AHNAK2: variants seen among roughly 807,000 people sequenced by gnomAD.
The protein encoded by AHNAK2 is AHNAK nucleoprotein 2.
A neutral mutation model predicts 30.7 loss-of-function variants in AHNAK2; 18 were observed. That is an observed-to-expected ratio of 0.59 (90% CI 0.41 to 0.87). The LOEUF (loss-of-function observed/expected upper bound fraction) is 0.87. Ranked by LOEUF, AHNAK2 falls within the 40% of genes least tolerant of loss-of-function variation. The pLI is 0.00. For synonymous variants in AHNAK2, 3,590 were observed against 3,073.8 expected, an observed-to-expected ratio of 1.17 and a Z score of -5.56; for missense variants, 8,604 against 7,373.0, an observed-to-expected ratio of 1.17 and a Z score of -6.11.
Position 104,940,950 on chromosome 14 carries a change from G to A in AHNAK2, c.14501C>T (p.Pro4834Leu), listed in dbSNP as rs376975099. ...KTECSTDLQP[P>L]EGVPTSQAES... ...AGCTTGAGATGTTGGAACTCCCTCT[G>A]GAGGCTGCAGGTCAGTGGAGCACTC... Residue 4834 changes from proline to leucine, a missense_variant, in exon 7 of 7, where the codon CCA (proline) becomes CTA (leucine). Coordinates refer to ENST00000333244, the MANE Select transcript of AHNAK2 (RefSeq NM_138420.4). This position sits in a 1 kb window ranked among gnomAD's most constrained non-coding sequence, Gnocchi z 4.4. 45 of 1,612,788 alleles carry A rather than the reference G, an allele frequency of 2.8e-5. No homozygotes were observed. The highest frequency in any genetic ancestry group is 3.7e-5 in the Non-Finnish European group (44 of 1,179,756).
chr14:104,947,522 G>T lies in AHNAK2; in HGVS notation c.7929C>A (p.Ala2643=). 1.2e-6 allele frequency: 2 copies of T among 1,612,272 alleles called. No homozygotes were observed. The highest frequency in any genetic ancestry group is 1.7e-6 in the Non-Finnish European group (2 of 1,179,526). ...TGGGCATTTTGAACTTGCTATCTTTGGCTGTCACACCCTTGTCGGCCAGGG... is the reference window on the plus strand; with the variant it reads ...TGGGCATTTTGAACTTGCTATCTTTTGCTGTCACACCCTTGTCGGCCAGGG... ...DLSLADKGVT[A]KDSKFKMPKF... The change falls in exon 7 of 7, where the codon GCC becomes GCA. Residue 2643 remains alanine (A), a synonymous_variant. Transcript: ENST00000333244.
Position 104,945,534 on chromosome 14 carries a change from C to T in AHNAK2, c.9917G>A (p.Ser3306Asn), listed in dbSNP as rs778516842. Reference protein sequence around the residue: ...LADKDVTAKDSKFKMPKFKMP... With the variant: ...LADKDVTAKDNKFKMPKFKMP... ...CTTGAATTTGGGCATTTTGAACTTGCTGTCTTTGGCAGTCACATCCTTGTC... is the reference window on the plus strand; with the variant it reads ...CTTGAATTTGGGCATTTTGAACTTGTTGTCTTTGGCAGTCACATCCTTGTC... The change falls in exon 7 of 7, where the codon AGC becomes AAC. Residue 3306 changes from serine to asparagine, a missense_variant. Ser to Asn is a conservative substitution (Grantham distance 46, BLOSUM62 1). Transcript: ENST00000333244. 6.2e-7 allele frequency: 1 copy of T among 1,612,628 alleles called. No individual in the cohort carries two copies. Among genetic ancestry groups the T allele is most frequent in the South Asian group, 1.1e-5 (1 of 90,994 alleles).
intron 1 of AHNAK2, chr14:104,970,632 T>C: frequency 1.6e-6 from 1 of 631,012 alleles, no homozygotes; most frequent in Non-Finnish European, 2.0e-6. Flanking sequence ...CCAGAGGGAG[T>C]GGGCGGGTCC....
In AHNAK2 at chr14:104,939,866, G is replaced by A. The variant is rs1447716730; in HGVS notation, c.15585C>T (p.Phe5195=). The change falls in exon 7 of 7, where the codon TTC becomes TTT. Residue 5195 remains phenylalanine (F), a synonymous_variant. Coordinates refer to ENST00000333244, the MANE Select transcript of AHNAK2 (RefSeq NM_138420.4). ...AAGAGCGCCTAAGGCTGGGCATGCG[G>A]AACTTGGGCATTTTAAACCAGCTTT... ...SQESWFKMPK[F]RMPSLRRSFR... The A allele has an allele frequency of 1.2e-6, 2 of 1,613,552 alleles. No individual in the cohort carries two copies. Among genetic ancestry groups the A allele is most frequent in the Non-Finnish European group, 1.7e-6 (2 of 1,179,842 alleles).
Position 104,949,634 on chromosome 14 carries a change from C to A in AHNAK2, c.5817G>T (p.Lys1939Asn), listed in dbSNP as rs551563267. The A allele has an allele frequency of 2.2e-5, 35 of 1,589,012 alleles. 3 individuals are homozygous for A. In the South Asian group the frequency reaches 3.4e-4, roughly 16 times the overall value. ...CGACATCGGGGGCTGTCACTTCCGC[C>A]TTGGGGCCTTTCAGGTCCAGCTTGG... ...KGAKLDLKGP[K>N]AEVTAPDVEV... Residue 1939 changes from lysine (K) to asparagine (N), a missense_variant, in exon 7 of 7, where the codon AAG (lysine) becomes AAT (asparagine). By Grantham distance (94) the Lys-to-Asn change is moderately conservative. Coordinates refer to ENST00000333244, the MANE Select transcript of AHNAK2 (RefSeq NM_138420.4).
In AHNAK2 at chr14:104,945,332, G is replaced by C. The variant is rs374986732; in HGVS notation, c.10119C>G (p.Asp3373Glu). The change falls in exon 7 of 7, where the codon GAC becomes GAG. Residue 3373 changes from aspartate (D) to glutamate (E), a missense_variant. By Grantham distance (45) the Asp-to-Glu change is conservative. Coordinates refer to ENST00000333244, the MANE Select transcript of AHNAK2 (RefSeq NM_138420.4). ...VDLEVQAGQV[D>E]VKLPEGHVPE... is the part of the protein sequence containing the mutation. ...GCACGTGGCCCTCCGGGAGCTTCAC[G>C]TCCACCTGGCCAGCCTGGACCTCCA... 4.3e-6 allele frequency: 7 copies of C among 1,612,146 alleles called. No homozygotes were observed. The highest frequency in any genetic ancestry group is 5.9e-6 in the Non-Finnish European group (7 of 1,179,400).
rs1456350326 is a variant in AHNAK2 at position 104,952,129 on chromosome 14, G to C, written c.3322C>G (p.Leu1108Val). The C allele has an allele frequency of 6.2e-7, 1 of 1,612,600 alleles. No homozygotes were observed. Among genetic ancestry groups the C allele is most frequent in the Non-Finnish European group, 8.5e-7 (1 of 1,179,698 alleles). Reference sequence around the variant, plus strand: ...TCCGCCTTGGGGCTTTTCAGGTCCAGCTTGGGGCCCTTGACGTCCACCTGG... The same window carrying C: ...TCCGCCTTGGGGCTTTTCAGGTCCACCTTGGGGCCCTTGACGTCCACCTGG... ...GPQVDVKGPK[L>V]DLKSPKAEVT... is the part of the protein sequence containing the mutation. The change falls in exon 7 of 7, where the codon CTG becomes GTG. Residue 1108 changes from leucine to valine, a missense_variant. Physicochemically the swap from Leu to Val is conservative, Grantham distance 32. Transcript: ENST00000333244.
chr14:104,949,208 C>A lies in AHNAK2; in HGVS notation c.6243G>T (p.Met2081Ile). ...LPKVEMPSLK[M>I]PKVDLKGPQV... ...GGGGGCCCTTGAGGTCCACTTTGGG[C>A]ATCTTCAAACTGGGCATCTCCACCT... The change falls in exon 7 of 7, where the codon ATG (methionine) becomes ATT (isoleucine). Residue 2081 changes from methionine to isoleucine, a missense_variant. By Grantham distance (10) the Met-to-Ile change is conservative. Transcript: ENST00000333244. The A allele has an allele frequency of 9.3e-7, 1 of 1,072,582 alleles. No individual in the cohort carries two copies. Among genetic ancestry groups the A allele is most frequent in the South Asian group, 1.5e-5 (1 of 65,222 alleles). 66.4% of individuals were successfully genotyped at this position (1,072,582 alleles called of 1,614,324 possible).
rs1898296094 is a variant in AHNAK2 at position 104,946,751 on chromosome 14, C to A, written c.8700G>T (p.Gln2900His). 3 of 1,612,772 alleles carry A rather than the reference C, an allele frequency of 1.9e-6. No homozygotes were observed. The highest frequency in any genetic ancestry group is 2.5e-6 in the Non-Finnish European group (3 of 1,179,568). ...CTTTGGGCATCTTGAAACTGGGCAT[C>A]TGCACCTTGGGCAGGTGCCCTTTGA... The part of the protein sequence containing the change: ...AGLKGHLPKV[Q>H]MPSFKMPKVD... Residue 2900 changes from glutamine to histidine, a missense_variant, in exon 7 of 7, where the codon CAG becomes CAT. Physicochemically the swap from Gln to His is conservative, Grantham distance 24. Transcript: ENST00000333244.
chr14:104,978,115 CCGGCGCGCGCCCTCG>C lies in AHNAK2; in HGVS notation c.55+53_55+67del, dbSNP rs1157715555. On this transcript the variant is annotated intron_variant, in intron 1 of 6. Coordinates refer to ENST00000333244, the MANE Select transcript of AHNAK2 (RefSeq NM_138420.4). The stretch of plus-strand genomic sequence containing the variant: ...CGCACTGCGCGCCCCTGGACACGCC[CCGGCGCGCGCCCTCG>C]CGCGTAGCCCACCCGCCCCAGGGGA... The C allele has an allele frequency of 1.6e-5, 19 of 1,180,890 alleles. No individual in the cohort carries two copies. In the East Asian group the frequency reaches 5.9e-4, roughly 36 times the overall value. 73.2% of individuals were successfully genotyped at this position (1,180,890 alleles called of 1,614,324 possible).
Position 104,945,366 on chromosome 14 carries a change from GA to G in AHNAK2, c.10084del (p.Ser3362LeufsTer13). On this transcript the variant is annotated frameshift_variant, in exon 7 of 7. Transcript: ENST00000333244. LOFTEE classifies it low-confidence loss of function (END_TRUNC). ...GCCAGCCTGGACCTCCAGGTCCACA[GA>G]AGGGAGCTGAATGCTGAGGTCAGTG... Reference protein sequence around the residue: ...KTTDLSIQLPSVDLEVQAGQV... With the variant: ...KTTDLSIQLPXVDLEVQAGQV... 1.9e-6 allele frequency: 3 copies of G among 1,612,780 alleles called. No individual in the cohort carries two copies. The South Asian group carries it at 3.3e-5, about 18-fold the overall frequency.
chr14:104,968,319 A>C (rs566592521), intron 1 of AHNAK2, among the ~76,000 whole-genome samples: 28 of 145,696 alleles, frequency 1.9e-4, no homozygotes, highest in South Asian at 6.2e-4. Flanking sequence ...TGCCTCCCCG[A>C]GAACTGGACT....
Position 104,938,597 on chromosome 14 carries a change from A to G in AHNAK2, c.16854T>C (p.Asp5618=). 1.9e-6 allele frequency: 3 copies of G among 1,613,190 alleles called. No homozygotes were observed. Among genetic ancestry groups the G allele is most frequent in the African/African-American group, 1.3e-5 (1 of 75,032 alleles). The change falls in exon 7 of 7, where the codon GAT becomes GAC. Residue 5618 remains aspartate, a synonymous_variant. Transcript: ENST00000333244. ...CCAGTGGTGTGGTTGCCTCTTGGCT[A>G]TCATCAGGGGGAAACTCAAGAATTT... ...PAEILEFPPD[D]SQEATTPLAD... is the part of the protein sequence containing the mutation.
Position 104,945,541 on chromosome 14 carries a change from T to G in AHNAK2, c.9910A>C (p.Lys3304Gln), listed in dbSNP as rs1898219222. The G allele has an allele frequency of 6.2e-7, 1 of 1,611,996 alleles. No individual in the cohort carries two copies. The highest frequency in any genetic ancestry group is 8.5e-7 in the Non-Finnish European group (1 of 1,179,196). ...LSLADKDVTA[K>Q]DSKFKMPKFK... ...TTGGGCATTTTGAACTTGCTGTCTT[T>G]GGCAGTCACATCCTTGTCGGCCAGG... The change falls in exon 7 of 7, where the codon AAA (lysine) becomes CAA (glutamine). Residue 3304 changes from lysine to glutamine, a missense_variant. Lys to Gln is a moderately conservative substitution (Grantham distance 53). Coordinates refer to ENST00000333244, the MANE Select transcript of AHNAK2 (RefSeq NM_138420.4).
chr14:104,947,555 C>T lies in AHNAK2; in HGVS notation c.7896G>A (p.Gly2632=), dbSNP rs1448353318. Residue 2632 remains glycine, a synonymous_variant, in exon 7 of 7, where the codon GGG becomes GGA. Coordinates refer to ENST00000333244, the MANE Select transcript of AHNAK2 (RefSeq NM_138420.4). ...RAKLDGARLE[G]DLSLADKGVT... ...CACCCTTGTCGGCCAGGGACAGGTC[C>T]CCCTCCAGCCGCGCACCATCCAGCT... 5.0e-6 allele frequency: 8 copies of T among 1,612,678 alleles called. No individual in the cohort carries two copies. The Admixed American group carries it at 8.3e-5, about 17-fold the overall frequency.
rs201368031 is a variant in AHNAK2, at chr14:104,943,490, C to T, written c.11961G>A (p.Met3987Ile). The change falls in exon 7 of 7, where the codon ATG (methionine) becomes ATA (isoleucine). Residue 3987 changes from methionine to isoleucine, a missense_variant. Met to Ile is a conservative substitution (Grantham distance 10, BLOSUM62 1). Transcript: ENST00000333244. ...GCGCGGTCACATCCACTGATGCCTC[C>T]ATGGACTTGCCTGGGGCAGACACCC... is the stretch of plus-strand genomic sequence containing the variant. ...SFGVSAPGKS[M>I]EASVDVTAPK... 4 of 1,612,260 alleles carry T rather than the reference C, an allele frequency of 2.5e-6. No homozygotes were observed. Among genetic ancestry groups the T allele is most frequent in the African/African-American group, 2.7e-5 (2 of 74,444 alleles).
In AHNAK2 at chr14:104,945,775, G is replaced by A. The variant is rs756139601; in HGVS notation, c.9676C>T (p.Leu3226=). ...AAACTGGGCATCTGCAACTTGGGCA[G>A]GTGCCCTTTGAGGCCAGCTCCCTCG... is the stretch of plus-strand genomic sequence containing the variant. The part of the protein sequence containing the change: ...VLEGAGLKGH[L]PKLQMPSFKM... The change falls in exon 7 of 7, where the codon CTG becomes TTG. Residue 3226 remains leucine, a synonymous_variant. Transcript: ENST00000333244. 2 of 1,591,124 alleles carry A rather than the reference G, an allele frequency of 1.3e-6. No homozygotes were observed. Among genetic ancestry groups the A allele is most frequent in the South Asian group, 1.1e-5 (1 of 89,780 alleles).
Position 104,944,800 on chromosome 14 carries a change from C to G in AHNAK2, c.10651G>C (p.Gly3551Arg), listed in dbSNP as rs199591478. 3.1e-6 allele frequency: 5 copies of G among 1,612,856 alleles called. No individual in the cohort carries two copies. Among genetic ancestry groups the G allele is most frequent in the South Asian group, 1.1e-5 (1 of 91,050 alleles). ...LLEGPVPEGA[G>R]LKGHLPKVEM... ...ACTTTGGGCAGGTGCCCTTTGAGGC[C>G]GGCTCCCTCGGGCACGGGGCCCTCC... The change falls in exon 7 of 7, where the codon GGC becomes CGC. Residue 3551 changes from glycine to arginine, a missense_variant. By Grantham distance (125) the Gly-to-Arg change is moderately radical (BLOSUM62 -2). Coordinates refer to ENST00000333244, the MANE Select transcript of AHNAK2 (RefSeq NM_138420.4).
At chr14:104,957,265 G>GGAA in intron 3 of AHNAK2, 145 bp downstream of exon 3, 1 of 732,890 alleles carries the variant, frequency 1.4e-6, no homozygotes, top group African/African-American at 1.8e-5. Flanking sequence ...AGGGCACAGA[G>GGAA]GAGTCTGAGA....
Sources: gnomAD v4.1 joint callset for allele counts (sites outside exome capture counted in the v4.1 genomes callset) on GRCh38, gnomAD v4.1.1 for gene constraint, Gnocchi (gnomAD v3.1) non-coding constraint, MANE v1.5 for transcripts, NCBI Gene and HGNC (gene_info 2026-07-23, HGNC 2026-07-21) for gene names.